Variants in NAV2 observed in about 807,000 individuals in gnomAD.
The protein encoded by NAV2 is helicase, APC down-regulated 1.
Under a neutral mutation model 223.2 loss-of-function variants are expected in NAV2, and 54 were observed. The observed-to-expected ratio is 0.24, with a 90% CI of 0.19 to 0.30. NAV2 has a LOEUF of 0.30. NAV2 is among the 10% of genes least tolerant of loss of function. The pLI is 1.00. For missense variants in NAV2, 2,806 were observed against 3,147.5 expected (o/e 0.89, Z 2.60); for synonymous variants, 1,279 against 1,239.3 (o/e 1.03, Z -0.67).
At chr11:20,002,706 A>G (rs79975236) in intron 11 of NAV2, among the ~76,000 whole-genome samples, 4,491 of 152,214 alleles carry the variant, frequency 0.03, 217 homozygotes, top group African/African-American at 0.1. Flanking sequence ...CCAGGCCAGT[A>G]GGTGCCCCAC....
At chr11:19,535,059 G>T (rs986538905) in intron 1 of NAV2, among the ~76,000 whole-genome samples, 1 of 152,072 alleles carries the variant, frequency 6.6e-6, no homozygotes, top group Non-Finnish European at 1.5e-5. Context: ...TGTTGATGTG[G>T]TTAACAAGGA....
At chr11:20,078,592 G>A (rs2059903987) in intron 24 of NAV2, among the ~76,000 whole-genome samples, 1 of 152,116 alleles carries the variant, frequency 6.6e-6, no homozygotes, top group Non-Finnish European at 1.5e-5. Flanking sequence ...CCAAGTAGCT[G>A]GGATTACAGG....
At chr11:19,359,195 A>G (rs571328497) in intron 1 of NAV2, among the ~76,000 whole-genome samples, 3 of 152,210 alleles carry the variant, frequency 2.0e-5, no homozygotes, top group Non-Finnish European at 4.4e-5. Flanking sequence ...ATTGTCTTTG[A>G]TTTGGGATGG....
At chr11:19,910,814 T>G (rs1433448409) in intron 6 of NAV2, among the ~76,000 whole-genome samples, 2 of 152,100 alleles carry the variant, frequency 1.3e-5, no homozygotes, top group African/African-American at 4.8e-5. Context: ...GCCGAGATAG[T>G]GCCACTGCAC....
chr11:19,964,617 T>A (rs111866805), intron 10 of NAV2, among the ~76,000 whole-genome samples: 6 of 151,554 alleles, frequency 4.0e-5, no homozygotes, highest in African/African-American at 1.5e-4. Context: ...TGCCTCAGCC[T>A]CTTGAGTAGC....
chr11:19,959,648 C>T (rs1264733967), intron 10 of NAV2, among the ~76,000 whole-genome samples: 3 of 152,186 alleles, frequency 2.0e-5, no homozygotes, highest in Non-Finnish European at 2.9e-5. Flanking sequence ...TTCAGCGCAT[C>T]GTGCAGGATA....
chr11:19,875,009 T>G (rs777770634), intron 4 of NAV2, among the ~76,000 whole-genome samples: 1 of 152,030 alleles, frequency 6.6e-6, no homozygotes, highest in Non-Finnish European at 1.5e-5. Flanking sequence ...ACAACAAAAT[T>G]AGCCGGGCGT....
intron 1 of NAV2, among the ~76,000 whole-genome samples, chr11:19,797,757 T>G (rs887826815): frequency 6.6e-6 from 1 of 152,098 alleles, no homozygotes; most frequent in African/African-American, 2.4e-5. Context: ...TTATAGAACC[T>G]GGAGATCTTT....
chr11:19,548,199 A>C (rs982388473), intron 1 of NAV2, among the ~76,000 whole-genome samples: 1 of 152,246 alleles, frequency 6.6e-6, no homozygotes, highest in Admixed American at 6.5e-5. Flanking sequence ...GACAAACATA[A>C]AAGAAAGAAA....
chr11:19,871,705 C>A (rs887384347), intron 4 of NAV2, among the ~76,000 whole-genome samples: 1 of 152,162 alleles, frequency 6.6e-6, no homozygotes, highest in Non-Finnish European at 1.5e-5. Flanking sequence ...GGCCTCCTGT[C>A]ACCTGGCAGC....
intron 11 of NAV2, among the ~76,000 whole-genome samples, chr11:20,003,056 C>T (rs1591617829): frequency 6.6e-6 from 1 of 152,200 alleles, no homozygotes; most frequent in South Asian, 2.1e-4. Context: ...TACAGAAATG[C>T]TTTCTGTCCT....
At chr11:19,927,901 T>C (rs2044935033) in intron 6 of NAV2, among the ~76,000 whole-genome samples, 1 of 152,210 alleles carries the variant, frequency 6.6e-6, no homozygotes, top group African/African-American at 2.4e-5. Context: ...TCAAAAATTG[T>C]CACAGCTACT....
At chr11:20,056,750 T>A in intron 19 of NAV2, 1 of 681,248 alleles carries the variant, frequency 1.5e-6, no homozygotes, top group East Asian at 2.7e-5. Context: ...ACTAGCAGAG[T>A]TTAAATTCCA....
Position 19,732,240 on chromosome 11 carries a change from CAG to C in NAV2, c.267+18281_267+18282del, listed in dbSNP as rs377126857. Reference sequence around the variant, plus strand: ...TGCCACTGTACTCCAGCCTGGGTGACAGAGTGAGACTCCGTCTCAAGAAAAAA... The same window carrying C: ...TGCCACTGTACTCCAGCCTGGGTGACAGTGAGACTCCGTCTCAAGAAAAAA... On this transcript the variant is annotated intron_variant, in intron 1 of 37. Coordinates refer to ENST00000349880, the MANE Select transcript of NAV2 (RefSeq NM_145117.5). Among the ~76,000 whole-genome samples the C allele has an allele frequency of 2.9e-4, 43 of 148,496 alleles. 2 individuals are homozygous for C. The South Asian group carries it at 8.8e-3, about 30-fold the overall frequency.
At chr11:19,492,367 G>A (rs775288112) in intron 1 of NAV2, among the ~76,000 whole-genome samples, 2 of 151,772 alleles carry the variant, frequency 1.3e-5, no homozygotes, top group Non-Finnish European at 2.9e-5. Flanking sequence ...AGCTTCCCTC[G>A]TAGCCAAATG....
intron 6 of NAV2, among the ~76,000 whole-genome samples, chr11:19,929,989 G>GC (rs2045172621): frequency 6.6e-6 from 1 of 152,144 alleles, no homozygotes; most frequent in Non-Finnish European, 1.5e-5. Flanking sequence ...ACCTCATAGA[G>GC]CCCTCTACCA....
chr11:19,871,349 A>G (rs1210428127), intron 4 of NAV2, among the ~76,000 whole-genome samples: 1 of 152,120 alleles, frequency 6.6e-6, no homozygotes, highest in Non-Finnish European at 1.5e-5. Flanking sequence ...AAATGGCTTT[A>G]GGAGTTTGAA....
intron 1 of NAV2, among the ~76,000 whole-genome samples, chr11:19,383,661 C>G (rs1314351119): frequency 6.6e-6 from 1 of 152,162 alleles, no homozygotes; most frequent in Non-Finnish European, 1.5e-5. Context: ...GTGCCTCAAT[C>G]TCTCTGAACT....
intron 1 of NAV2, among the ~76,000 whole-genome samples, chr11:19,573,505 C>A (rs537049112): frequency 3.8e-4 from 58 of 152,180 alleles, no homozygotes; most frequent in Non-Finnish European, 7.9e-4. Flanking sequence ...GATTTCCTGG[C>A]GGGTTCTGAT....
Sources: gnomAD v4.1 joint callset for allele counts (sites outside exome capture counted in the v4.1 genomes callset) on GRCh38, gnomAD v4.1.1 for gene constraint, MANE v1.5 for transcripts, NCBI Gene and HGNC (gene_info 2026-07-23, HGNC 2026-07-21) for gene names.